Variants in CPSF1 observed in about 807,000 individuals in gnomAD.
The protein encoded by CPSF1 is cleavage and polyadenylation specific factor 1.
In CPSF1, 106 loss-of-function variants were observed where a neutral mutation model predicts 175.8. The ratio of observed to expected loss-of-function variants is 0.60; its 90% CI spans 0.52 to 0.71. The LOEUF (loss-of-function observed/expected upper bound fraction) is 0.71. Ranked by LOEUF, CPSF1 falls within the 30% of genes least tolerant of loss-of-function variation. The pLI is 0.00. For missense variants in CPSF1, 1,734 were observed against 2,022.9 expected (o/e 0.86, Z 2.74); for synonymous variants, 1,024 against 858.3 (o/e 1.19, Z -3.37).
In CPSF1 at chr8:144,397,874, G is replaced by A; in HGVS notation, c.2079C>T (p.Ser693=). 1 of 1,606,900 alleles carries A rather than the reference G, an allele frequency of 6.2e-7. No homozygotes were observed. Among genetic ancestry groups the A allele is most frequent in the Non-Finnish European group, 8.5e-7 (1 of 1,176,576 alleles). The change falls in exon 21 of 38, where the codon TCC becomes TCT. Residue 693 remains serine (S), a synonymous_variant. Coordinates refer to ENST00000616140, the MANE Select transcript of CPSF1 (RefSeq NM_013291.3). ...ALHKPPLHHQ[S]KVITLCLYRD... is the part of the protein sequence containing the mutation. The stretch of plus-strand genomic sequence containing the variant: ...GGTACAGGCACAGCGTAATCACCTT[G>A]GACTGCTGCGGGGAGAGGGGTGGGC...
Position 144,399,018 on chromosome 8 carries a change from C to T in CPSF1, c.1488G>A (p.Pro496=), listed in dbSNP as rs2116857144. 11 of 1,605,548 alleles carry T rather than the reference C, an allele frequency of 6.9e-6. No homozygotes were observed. The highest frequency in any genetic ancestry group is 3.3e-5 in the South Asian group (3 of 90,308). Residue 496 remains proline, a synonymous_variant, in exon 16 of 38, where the codon CCG becomes CCA. Transcript: ENST00000616140. The surrounding 1 kb of genome is among the most constrained non-coding windows in gnomAD (Gnocchi z 6.4). Reference sequence around the variant, plus strand: ...CGGAGCAAACCACAATCTCCAGGTCCGGCTCGGGGCTGTTCTGAAACTGCA... The same window carrying T: ...CGGAGCAAACCACAATCTCCAGGTCTGGCTCGGGGCTGTTCTGAAACTGCA... ...LSEEFQNSPE[P]DLEIVVCSGH... is the part of the protein sequence containing the mutation.
intron 16 of CPSF1, 22 bp from the exon 17 acceptor site, chr8:144,398,890 GGTGTGATGGGGGT>G: frequency 6.2e-7 from 1 of 1,609,230 alleles, no homozygotes; most frequent in Non-Finnish European, 8.5e-7. Flanking sequence ...ATGGGGTGGG[GGTGTGATGGGGGT>G]GTGAGCCCAC....
In CPSF1 at chr8:144,398,476, C is replaced by G. The variant is rs2116850216; in HGVS notation, c.1753-33G>C. On this transcript the variant is annotated intron_variant, in intron 18 of 37. Coordinates refer to ENST00000616140, the MANE Select transcript of CPSF1 (RefSeq NM_013291.3). The stretch of plus-strand genomic sequence containing the variant: ...CGACAGCTGTGAGGGAGGCGCCCCC[C>G]GCAGGGGACCCCAGCCCCAGGTCCC... 6.2e-6 allele frequency: 10 copies of G among 1,610,960 alleles called. No homozygotes were observed. In the African/African-American group the frequency reaches 1.2e-4, roughly 19 times the overall value.
rs1820840407 is a variant in CPSF1 at position 144,397,420 on chromosome 8, G to C, written c.2386-7C>G. On this transcript the variant is annotated splice_region_variant and splice_polypyrimidine_tract_variant and intron_variant, in intron 22 of 37. Coordinates refer to ENST00000616140, the MANE Select transcript of CPSF1 (RefSeq NM_013291.3). ...AGTCGGGAAGCTGGTAGATCTGCAGGGTGGGCAGCAGTCAGTGGAGGCAGG... is the reference window on the plus strand; with the variant it reads ...AGTCGGGAAGCTGGTAGATCTGCAGCGTGGGCAGCAGTCAGTGGAGGCAGG... 1 of 1,576,366 alleles carries C rather than the reference G, an allele frequency of 6.3e-7. No homozygotes were observed. The highest frequency in any genetic ancestry group is 8.6e-7 in the Non-Finnish European group (1 of 1,160,852).
At position 144,409,284 on chromosome 8, in the gene CPSF1, C is replaced by T; in HGVS notation, c.-15+5G>A. Reference sequence around the variant, plus strand: ...GCCGCCTCGGCCGCCCGCCCGGCCGCCCACCTGGCAGTTGGAGCCGACTCG... The same window carrying T: ...GCCGCCTCGGCCGCCCGCCCGGCCGTCCACCTGGCAGTTGGAGCCGACTCG... On this transcript the variant is annotated splice_donor_5th_base_variant and intron_variant, in intron 1 of 37. Coordinates refer to ENST00000616140, the MANE Select transcript of CPSF1 (RefSeq NM_013291.3). 4.5e-6 allele frequency: 4 copies of T among 889,586 alleles called. No homozygotes were observed. Among genetic ancestry groups the T allele is most frequent in the Non-Finnish European group, 5.8e-6 (4 of 689,160 alleles). 55.1% of individuals were successfully genotyped at this position (889,586 alleles called of 1,614,324 possible). A position where few individuals can be genotyped will look rare whatever the true frequency, so the allele number is the denominator to read the frequency against.
chr8:144,401,204 G>A lies in CPSF1; in HGVS notation c.387+7C>T. On this transcript the variant is annotated splice_region_variant and intron_variant, in intron 5 of 37. Coordinates refer to ENST00000616140, the MANE Select transcript of CPSF1 (RefSeq NM_013291.3). ...GGGCCTGGGCGGGGGCGGGAGCGCG[G>A]CCCTACCCGAAGCTCAGGCTCCTCA... 6.5e-7 allele frequency: 1 copy of A among 1,549,442 alleles called. No individual in the cohort carries two copies. The highest frequency in any genetic ancestry group is 8.7e-7 in the Non-Finnish European group (1 of 1,146,794).
chr8:144,406,338 AC>A (rs2116904977), intron 2 of CPSF1, among the ~76,000 whole-genome samples: 77 of 152,232 alleles, frequency 5.1e-4, no homozygotes, highest in African/African-American at 1.8e-3. Flanking sequence ...TGCCCACCAG[AC>A]TGCCCTGTCA....
In CPSF1 at chr8:144,395,490, C is replaced by G; in HGVS notation, c.3041G>C (p.Arg1014Thr). Residue 1014 changes from arginine to threonine, a missense_variant, in exon 27 of 38, where the codon AGG becomes ACG. Arg to Thr is a moderately conservative substitution (Grantham distance 71). Around this residue, in one of 10 missense-constraint regions of CPSF1, gnomAD observed 585 missense variants for 584.7 expected, o/e 1.00. Coordinates refer to ENST00000616140, the MANE Select transcript of CPSF1 (RefSeq NM_013291.3). ...GGCCGTGCAGCGCAGCGGGATCTTC[C>G]TGACAGGCCATGGGGCATCATAGGA... The part of the protein sequence containing the change: ...YLSYDAPWPV[R>T]KIPLRCTAHY... The G allele has an allele frequency of 6.2e-7, 1 of 1,604,718 alleles. No individual in the cohort carries two copies. The highest frequency in any genetic ancestry group is 8.5e-7 in the Non-Finnish European group (1 of 1,174,918).
chr8:144,396,282 C>G, intron 26 of CPSF1, 66 bp downstream of exon 26: 1 of 1,488,310 alleles, frequency 6.7e-7, no homozygotes, highest in Non-Finnish European at 9.1e-7. Context: ...TTCTCCTGTC[C>G]CCTCCCCCTC....
At position 144,399,486 on chromosome 8, in the gene CPSF1, CTTT is replaced by C. The variant is rs1564692147; in HGVS notation, c.1257_1259del (p.Lys422del). 7.4e-6 allele frequency: 12 copies of C among 1,613,098 alleles called. No individual in the cohort carries two copies. The highest frequency in any genetic ancestry group is 1.7e-5 in the Admixed American group (1 of 59,996). ...CGGCCGTCGCATCCACTCGCTTCTTCTTTGAGGGAGGCTCTTCCTGTGAGGCAG... is the reference window on the plus strand; with the variant it reads ...CGGCCGTCGCATCCACTCGCTTCTTCGAGGGAGGCTCTTCCTGTGAGGCAG... On this transcript the variant is annotated inframe_deletion, in exon 13 of 38. Coordinates refer to ENST00000616140, the MANE Select transcript of CPSF1 (RefSeq NM_013291.3). This position sits in a 1 kb window ranked among gnomAD's most constrained non-coding sequence, Gnocchi z 6.4.
In CPSF1 at chr8:144,393,772, A is replaced by G; in HGVS notation, c.4040T>C (p.Leu1347Pro). 6.3e-7 allele frequency: 1 copy of G among 1,595,886 alleles called. No individual in the cohort carries two copies. The highest frequency in any genetic ancestry group is 2.2e-5 in the East Asian group (1 of 44,624). Residue 1347 changes from leucine (L) to proline (P), a missense_variant, in exon 36 of 38, where the codon CTG (leucine) becomes CCG (proline). Transcript: ENST00000616140. ...GGTCTTCTCCTGCATGGGCAGCAGC[A>G]GCCCGATGCCGCCGTCCAGGGTGGC... Reference protein sequence around the residue: ...WFATLDGGIGLLLPMQEKTYR... With the variant: ...WFATLDGGIGPLLPMQEKTYR...
Position 144,396,492 on chromosome 8 carries a change from G to A in CPSF1, c.2835C>T (p.Ile945=). The change falls in exon 26 of 38, where the codon ATC becomes ATT. Residue 945 remains isoleucine (I), a synonymous_variant. Coordinates refer to ENST00000616140, the MANE Select transcript of CPSF1 (RefSeq NM_013291.3). ...EDIYGYSGVF[I]CGPSPHWLLV... ...AGAGCCAGTGAGGGGAGGGGCCGCA[G>A]ATGAAGACCTGGGGGCAGGCACCGT... 6.2e-7 allele frequency: 1 copy of A among 1,611,108 alleles called. No homozygotes were observed. The highest frequency in any genetic ancestry group is 8.5e-7 in the Non-Finnish European group (1 of 1,179,142).
chr8:144,395,425 G>C lies in CPSF1; in HGVS notation c.3096+10C>G. On this transcript the variant is annotated intron_variant, in intron 27 of 37. Coordinates refer to ENST00000616140, the MANE Select transcript of CPSF1 (RefSeq NM_013291.3). ...AGAAGGTCCCTGGTGGGGTGGGGGTGGGGGCAGACCTTAGACTCCACGTGG... is the reference window on the plus strand; with the variant it reads ...AGAAGGTCCCTGGTGGGGTGGGGGTCGGGGCAGACCTTAGACTCCACGTGG... 1 of 1,612,810 alleles carries C rather than the reference G, an allele frequency of 6.2e-7. No individual in the cohort carries two copies. Among genetic ancestry groups the C allele is most frequent in the Non-Finnish European group, 8.5e-7 (1 of 1,179,760 alleles).
intron 2 of CPSF1, among the ~76,000 whole-genome samples, chr8:144,402,788 A>T (rs1821291406): frequency 6.6e-6 from 1 of 152,084 alleles, no homozygotes; most frequent in African/African-American, 2.4e-5. Flanking sequence ...ACACCCACTC[A>T]TGTGGGGCTG....
At chr8:144,398,918 G>C (rs2116856144) in intron 16 of CPSF1, 40 bp downstream of exon 16, 27 of 1,611,688 alleles carry the variant, frequency 1.7e-5, no homozygotes, top group African/African-American at 2.7e-5. Flanking sequence ...GCCCACCCAG[G>C]TCCCACCAGG....
chr8:144,398,668 A>C lies in CPSF1; in HGVS notation c.1639-30T>G, dbSNP rs1250883013. 3 of 1,612,194 alleles carry C rather than the reference A, an allele frequency of 1.9e-6. No homozygotes were observed. In the African/African-American group the frequency reaches 4.0e-5, roughly 22 times the overall value. Reference sequence around the variant, plus strand: ...CAGGGCCAAAGGGGGGCAGGCTGGAAGCCACAGTCCAGTGAAGGCAGGCAC... The same window carrying C: ...CAGGGCCAAAGGGGGGCAGGCTGGACGCCACAGTCCAGTGAAGGCAGGCAC... On this transcript the variant is annotated intron_variant, in intron 17 of 37. Coordinates refer to ENST00000616140, the MANE Select transcript of CPSF1 (RefSeq NM_013291.3).
intron 26 of CPSF1, 179 bp from the exon 27 acceptor site, chr8:144,395,730 C>T: frequency 1.6e-6 from 1 of 612,448 alleles, no homozygotes; most frequent in Non-Finnish European, 2.9e-6. Context: ...TCTGGGGCTC[C>T]TCCTGTCCAT....
chr8:144,397,409 T>C lies in CPSF1; in HGVS notation c.2390A>G (p.Tyr797Cys), dbSNP rs782059871. The change falls in exon 23 of 38, where the codon TAC becomes TGC. Residue 797 changes from tyrosine (Y) to cysteine (C), a missense_variant. Physicochemically the swap from Tyr to Cys is radical, Grantham distance 194. This residue lies in a region of CPSF1 where 585 missense variants were observed against 584.7 expected (regional missense o/e 1.00). Transcript: ENST00000616140. ...CACCAGCCGCCAGTCGGGAAGCTGG[T>C]AGATCTGCAGGGTGGGCAGCAGTCA... is the stretch of plus-strand genomic sequence containing the variant. ...LVRENGTMEI[Y>C]QLPDWRLVFL... 4 of 1,574,564 alleles carry C rather than the reference T, an allele frequency of 2.5e-6. No homozygotes were observed. In the African/African-American group the frequency reaches 4.1e-5, roughly 16 times the overall value.
In CPSF1 at chr8:144,400,362, T is replaced by C. The variant is rs2116874681; in HGVS notation, c.818A>G (p.Lys273Arg). ...FDCTQALAVP[K>R]PIGGVVVFAV... is the part of the protein sequence containing the mutation. ...ACTCCCAGGACACACACCTATGGGC[T>C]TGGGCACAGCCAGAGCCTGGGTGCA... The change falls in exon 8 of 38, where the codon AAG becomes AGG. Residue 273 changes from lysine to arginine, a missense_variant. Around this residue, in one of 10 missense-constraint regions of CPSF1, gnomAD observed 61 missense variants for 104.0 expected, o/e 0.59. Coordinates refer to ENST00000616140, the MANE Select transcript of CPSF1 (RefSeq NM_013291.3). 1 of 1,613,906 alleles carries C rather than the reference T, an allele frequency of 6.2e-7. No homozygotes were observed. The highest frequency in any genetic ancestry group is 1.1e-5 in the South Asian group (1 of 91,084).
Sources: allele counts gnomAD v4.1 joint callset (sites outside exome capture counted in the v4.1 genomes callset), GRCh38; gene constraint gnomAD v4.1.1; regional missense constraint gnomAD v4.1.1; non-coding constraint Gnocchi (gnomAD v3.1); transcripts MANE v1.5; gene names NCBI Gene and HGNC (gene_info 2026-07-23, HGNC 2026-07-21).